The following NDUFAF6 variants were observed in gnomAD, a reference collection of about 807,000 sequenced individuals.
The protein encoded by NDUFAF6 is NADH:ubiquinone oxidoreductase complex assembly factor 6.
A neutral mutation model predicts 40.8 loss-of-function variants in NDUFAF6; 45 were observed. The ratio of observed to expected loss-of-function variants is 1.10; its 90% CI spans 0.87 to 1.42. NDUFAF6 has a LOEUF of 1.42. Ranked by LOEUF, NDUFAF6 falls within the 40% of genes most tolerant of loss-of-function variation. The pLI, the probability that NDUFAF6 is intolerant of heterozygous loss-of-function variation, is 0.00. For synonymous variants in NDUFAF6, 185 were observed against 155.9 expected (o/e 1.19, Z -1.39); for missense variants, 435 against 418.5 (o/e 1.04, Z -0.34).
chr8:95,029,487 C>G (rs1014671134), intron 1 of NDUFAF6, among the ~76,000 whole-genome samples: 1 of 152,218 alleles, frequency 6.6e-6, no homozygotes, highest in Non-Finnish European at 1.5e-5. Context: ...CGTAGAATCA[C>G]AGTACAGCCA....
rs1339354981 is a variant in NDUFAF6, at chr8:95,058,448, C to T, written c.*511C>T. 2.4e-6 allele frequency: 3 copies of T among 1,230,690 alleles called. No homozygotes were observed. The highest frequency in any genetic ancestry group is 3.2e-5 in the East Asian group (1 of 31,666). 76.2% of individuals were successfully genotyped at this position (1,230,690 alleles called of 1,614,324 possible). ...ACGTGTTGTGGGCTTTTATCCTTAA[C>T]GTTTAATTTTTACAATCTTGTGTAA... is the stretch of plus-strand genomic sequence containing the variant. On this transcript the variant is annotated 3_prime_UTR_variant, in exon 9 of 9. Coordinates refer to ENST00000396124, the MANE Select transcript of NDUFAF6 (RefSeq NM_152416.4).
chr8:95,012,643 A>AAAATAAATAAATAAATAAATAAATAAAT (rs61552543), intron 2 of NDUFAF6, among the ~76,000 whole-genome samples: 2 of 147,310 alleles, frequency 1.4e-5, no homozygotes, highest in African/African-American at 5.0e-5. Flanking sequence ...CTCTGTCTCT[A>AAAATAAATAAATAAATAAATAAATAAAT]AAATAAATAA....
intron 1 of NDUFAF6, among the ~76,000 whole-genome samples, chr8:94,924,270 C>T (rs1026381918): frequency 1.3e-5 from 2 of 152,076 alleles, no homozygotes. Context: ...CTGTGTTAGC[C>T]AGGATGGTCT....
chr8:95,078,079 A>C (rs911607917), downstream of NDUFAF6, among the ~76,000 whole-genome samples: 1 of 152,162 alleles, frequency 6.6e-6, no homozygotes, highest in African/African-American at 2.4e-5. Flanking sequence ...GGAGGCAGAG[A>C]AGAGGCTAAA....
At chr8:95,037,436 A>G (rs1263754357) in intron 3 of NDUFAF6, among the ~76,000 whole-genome samples, 2 of 152,198 alleles carry the variant, frequency 1.3e-5, no homozygotes, top group Non-Finnish European at 2.9e-5. Flanking sequence ...TTGAAGGTCC[A>G]CAAAATCAAA....
At chr8:95,097,991 A>C (rs1243471362), upstream of NDUFAF6, among the ~76,000 whole-genome samples, 2 of 152,026 alleles carry the variant, frequency 1.3e-5, no homozygotes, top group African/African-American at 2.4e-5. Flanking sequence ...GTTGCTACGC[A>C]ACAGTAAGAA....
At chr8:95,088,952 G>A (rs1308465453) in intron 2 of NDUFAF6, among the ~76,000 whole-genome samples, 2 of 151,864 alleles carry the variant, frequency 1.3e-5, no homozygotes, top group Non-Finnish European at 2.9e-5. Flanking sequence ...AGTAGAGACA[G>A]GGTTTCACCA....
Position 95,058,002 on chromosome 8 carries a change from T to C in NDUFAF6, c.*65T>C. On this transcript the variant is annotated 3_prime_UTR_variant, in exon 9 of 9. Transcript: ENST00000396124. ...TTTTATAAAAGTTAGGATTCTTATT[T>C]AGGAACAACAGGAAATGACTGTTAA... 1 of 1,528,216 alleles carries C rather than the reference T, an allele frequency of 6.5e-7. No individual in the cohort carries two copies. Among genetic ancestry groups the C allele is most frequent in the Non-Finnish European group, 8.9e-7 (1 of 1,125,656 alleles). 94.7% of individuals were successfully genotyped at this position (1,528,216 alleles called of 1,614,324 possible). A position where few individuals can be genotyped will look rare whatever the true frequency, so the allele number is the denominator to read the frequency against.
upstream of NDUFAF6, among the ~76,000 whole-genome samples, chr8:95,098,648 C>T (rs10095713): frequency 2.6e-5 from 4 of 152,038 alleles, no homozygotes; most frequent in African/African-American, 9.7e-5. Flanking sequence ...CCAGCCTGGG[C>T]GACAAGAACG....
At chr8:95,069,912 A>G (rs188342676) in intron 9 of NDUFAF6, among the ~76,000 whole-genome samples, 395 of 151,098 alleles carry the variant, frequency 2.6e-3, no homozygotes, top group Admixed American at 5.6e-3. Flanking sequence ...GATGTTACAT[A>G]ATGAGTTAGA....
chr8:94,996,916 G>A (rs1157464053), intron 2 of NDUFAF6, among the ~76,000 whole-genome samples: 3 of 152,114 alleles, frequency 2.0e-5, no homozygotes, highest in Non-Finnish European at 4.4e-5. Flanking sequence ...CCAGCACCTT[G>A]ATCTTGGACC....
chr8:95,031,072 C>G (rs187374272), intron 1 of NDUFAF6, among the ~76,000 whole-genome samples: 1 of 152,260 alleles, frequency 6.6e-6, no homozygotes, highest in Non-Finnish European at 1.5e-5. Context: ...ATACCTCCCA[C>G]TAGGCCCCAC....
Position 95,070,322 on chromosome 8 carries a change from C to A in NDUFAF6, c.*512-5311C>A, listed in dbSNP as rs983791801. On this transcript the variant is annotated intron_variant and NMD_transcript_variant, in intron 9 of 9. Transcript: ENST00000520757. ...AAGTTAGTTAATAATTGTAAAGTGC[C>A]GAAAATAGTGGCTGGCACTTACTAA... Among the ~76,000 whole-genome samples, 3 of 152,212 alleles carry A rather than the reference C, an allele frequency of 2.0e-5. No individual in the cohort carries two copies. The East Asian group carries it at 5.8e-4, about 29-fold the overall frequency.
chr8:95,090,535 C>T (rs967937598), intron 2 of NDUFAF6, among the ~76,000 whole-genome samples: 11 of 152,118 alleles, frequency 7.2e-5, no homozygotes, highest in African/African-American at 9.7e-5. Flanking sequence ...TTCTCCTCTG[C>T]GGGCTTCAGA....
chr8:95,068,310 C>T (rs1832752300), intron 9 of NDUFAF6: 1 of 151,848 alleles, frequency 6.6e-6, no homozygotes, highest in Non-Finnish European at 1.5e-5. Context: ...ATATCTACTC[C>T]ATCTTCCTGG....
At chr8:94,900,789 G>A (rs1429966483) in intron 1 of NDUFAF6, among the ~76,000 whole-genome samples, 1 of 152,204 alleles carries the variant, frequency 6.6e-6, no homozygotes, top group African/African-American at 2.4e-5. Flanking sequence ...TGTTAAGCAT[G>A]ATGCAAAATA....
intron 1 of NDUFAF6, among the ~76,000 whole-genome samples, chr8:94,965,546 C>T (rs1316363416): frequency 6.6e-6 from 1 of 152,186 alleles, no homozygotes; most frequent in East Asian, 1.9e-4. Flanking sequence ...TGTGAAGAGG[C>T]TGTGGTTGGC....
At chr8:95,001,476 A>G (rs1826732172) in intron 2 of NDUFAF6, among the ~76,000 whole-genome samples, 1 of 152,106 alleles carries the variant, frequency 6.6e-6, no homozygotes, top group Admixed American at 6.6e-5. Context: ...CCATATTTCA[A>G]TGACATTCTG....
chr8:94,904,975 G>A (rs1056099702), intron 1 of NDUFAF6, among the ~76,000 whole-genome samples: 1 of 152,142 alleles, frequency 6.6e-6, no homozygotes, highest in Non-Finnish European at 1.5e-5. Flanking sequence ...CAAGGCGGGC[G>A]GATTACCTGA....
Sources: allele counts gnomAD v4.1 joint callset (sites outside exome capture counted in the v4.1 genomes callset), GRCh38; gene constraint gnomAD v4.1.1; transcripts MANE v1.5; gene names NCBI Gene and HGNC (gene_info 2026-07-23, HGNC 2026-07-21).